The following SUPT20H variants were observed in gnomAD, a reference collection of about 807,000 sequenced individuals.
SUPT20H encodes the protein SPT20 homolog, SAGA complex component, also known as transcription factor SPT20 homolog.
In SUPT20H, 82 loss-of-function variants were observed where a neutral mutation model predicts 122.8. The observed-to-expected ratio is 0.67, with a 90% CI of 0.56 to 0.80. The LOEUF is 0.80. Ranked by LOEUF, SUPT20H falls within the 30% of genes least tolerant of loss-of-function variation. The probability of loss-of-function intolerance (pLI) is 0.00; values close to 1 mark genes in which losing one functional copy is unlikely to be tolerated. For synonymous variants in SUPT20H, 291 were observed against 313.0 expected, an observed-to-expected ratio of 0.93 and a Z score of 0.74; for missense variants, 831 against 921.6, an observed-to-expected ratio of 0.90 and a Z score of 1.27.
intron 6 of SUPT20H, among the ~76,000 whole-genome samples, chr13:37,044,921 C>T (rs915647036): frequency 2.0e-5 from 3 of 151,994 alleles, no homozygotes; most frequent in Non-Finnish European, 4.4e-5. Flanking sequence ...TTTTAATCAT[C>T]TGTAAGTTAT....
chr13:37,051,331 G>A (rs2067638012), intron 2 of SUPT20H, among the ~76,000 whole-genome samples, 157 bp downstream of exon 2: 1 of 152,152 alleles, frequency 6.6e-6, no homozygotes, highest in South Asian at 2.1e-4. Context: ...ACTTTATAGA[G>A]AAGACTTTGC....
chr13:37,054,310 A>G (rs1409271272), intron 1 of SUPT20H, among the ~76,000 whole-genome samples: 2 of 152,324 alleles, frequency 1.3e-5, no homozygotes, highest in Non-Finnish European at 2.9e-5. Context: ...GCAGAGACAC[A>G]ACAAAAAAAG....
At chr13:37,041,413 G>C (rs2138659372) in intron 7 of SUPT20H, among the ~76,000 whole-genome samples, 1 of 151,938 alleles carries the variant, frequency 6.6e-6, no homozygotes, top group East Asian at 1.9e-4. Context: ...AGCTACTCAG[G>C]AGGCTGAGGC....
chr13:37,011,039 A>G (rs1566093432), intron 24 of SUPT20H, among the ~76,000 whole-genome samples: 1 of 152,208 alleles, frequency 6.6e-6, no homozygotes, highest in Non-Finnish European at 1.5e-5. Context: ...CAAAGCTGGT[A>G]GACAGACAAT....
chr13:37,055,886 T>A (rs2068862169), intron 1 of SUPT20H, among the ~76,000 whole-genome samples: 1 of 152,096 alleles, frequency 6.6e-6, no homozygotes. Context: ...AGGGCTAATA[T>A]CCAGAATCTA....
chr13:37,012,121 T>C (rs1441100179), intron 24 of SUPT20H, 71 bp downstream of exon 24: 14 of 1,216,176 alleles, frequency 1.2e-5, no homozygotes, highest in East Asian at 2.4e-5. Context: ...GAAAATAATT[T>C]AAGCGGTGAG....
intron 7 of SUPT20H, among the ~76,000 whole-genome samples, chr13:37,042,071 T>C (rs559224675): frequency 4.6e-5 from 7 of 152,322 alleles, no homozygotes; most frequent in East Asian, 1.9e-4. Flanking sequence ...ATGGATGGAA[T>C]GCAGCGAGTG....
chr13:37,058,226 T>C (rs763593722), intron 1 of SUPT20H, among the ~76,000 whole-genome samples: 6 of 151,662 alleles, frequency 4.0e-5, no homozygotes, highest in South Asian at 2.1e-4. Context: ...GATCGCCCCA[T>C]TGCACTCCAG....
intron 1 of SUPT20H, among the ~76,000 whole-genome samples, chr13:37,054,905 C>G (rs1313099650): frequency 6.6e-6 from 1 of 152,208 alleles, no homozygotes; most frequent in Non-Finnish European, 1.5e-5. Flanking sequence ...AGCTGATAGG[C>G]AACTTCAGCA....
chr13:37,023,902 T>C, intron 19 of SUPT20H, 133 bp downstream of exon 19: 1 of 823,082 alleles, frequency 1.2e-6, no homozygotes, highest in Non-Finnish European at 1.8e-6. Context: ...GCCTGAAGCT[T>C]CTAGCAACTT....
intron 6 of SUPT20H, 97 bp from the exon 7 acceptor site, chr13:37,044,278 C>T: frequency 1.2e-6 from 1 of 866,634 alleles, no homozygotes; most frequent in Non-Finnish European, 1.7e-6. Context: ...ATAATAAAAC[C>T]AAAAGGCATT....
chr13:37,042,735 G>T (rs1310195484), intron 7 of SUPT20H, among the ~76,000 whole-genome samples: 1 of 152,176 alleles, frequency 6.6e-6, no homozygotes, highest in Non-Finnish European at 1.5e-5. Context: ...ATAGGTGGTG[G>T]AAAGAATGGG....
In SUPT20H at chr13:37,031,856, C is replaced by G. The variant is rs1199710665; in HGVS notation, c.747G>C (p.Gln249His). 5.6e-6 allele frequency: 9 copies of G among 1,603,896 alleles called. No individual in the cohort carries two copies. The highest frequency in any genetic ancestry group is 7.6e-6 in the Non-Finnish European group (9 of 1,177,028). ...KRYSRSSLNRQQDLSHCPPPP... is the reference protein window; with the variant it reads ...KRYSRSSLNRHQDLSHCPPPP... ...GAGGTGGACAATGAGATAGATCTTGCTGCCGATTCAGAGAGGATCTGGAAT... is the reference window on the plus strand; with the variant it reads ...GAGGTGGACAATGAGATAGATCTTGGTGCCGATTCAGAGAGGATCTGGAAT... The change falls in exon 11 of 26, where the codon CAG becomes CAC. Residue 249 changes from glutamine to histidine, a missense_variant. By Grantham distance (24) the Gln-to-His change is conservative. Transcript: ENST00000350612.
intron 21 of SUPT20H, among the ~76,000 whole-genome samples, chr13:37,020,872 TAAATA>T (rs2061373053): frequency 6.6e-6 from 1 of 152,232 alleles, no homozygotes; most frequent in Admixed American, 6.5e-5. Context: ...TAACTACTCC[TAAATA>T]AAAGAATGCT....
intron 6 of SUPT20H, 145 bp from the exon 7 acceptor site, chr13:37,044,326 A>C (rs1003710974): frequency 5.3e-5 from 30 of 569,196 alleles, no homozygotes; most frequent in Non-Finnish European, 8.3e-5. Context: ...AAAATAAAAA[A>C]CAAAACCAAA....
chr13:37,012,473 T>C, intron 23 of SUPT20H, 176 bp from the exon 24 acceptor site: 1 of 472,112 alleles, frequency 2.1e-6, no homozygotes, highest in Non-Finnish European at 3.8e-6. Flanking sequence ...AAATTTATGG[T>C]ATTTGAACAA....
chr13:37,010,488 T>C, intron 25 of SUPT20H, 64 bp downstream of exon 25: 4 of 1,418,492 alleles, frequency 2.8e-6, no homozygotes, highest in Non-Finnish European at 4.0e-6. Flanking sequence ...AAGCAAGTTA[T>C]TTTGAGGTAC....
intron 13 of SUPT20H, among the ~76,000 whole-genome samples, 180 bp from the exon 14 acceptor site, chr13:37,028,485 C>T (rs1014147250): frequency 6.6e-6 from 1 of 152,004 alleles, no homozygotes; most frequent in Non-Finnish European, 1.5e-5. Context: ...CGGTTCTTTT[C>T]CTAAAAACTA....
At chr13:37,034,213 T>G (rs750732874) in intron 9 of SUPT20H, among the ~76,000 whole-genome samples, 1 of 152,150 alleles carries the variant, frequency 6.6e-6, no homozygotes, top group Non-Finnish European at 1.5e-5. Context: ...CTAGAAATGA[T>G]TAAGCTTAGT....
Sources: allele counts gnomAD v4.1 joint callset (sites outside exome capture counted in the v4.1 genomes callset), GRCh38; gene constraint gnomAD v4.1.1; transcripts MANE v1.5; gene names NCBI Gene and HGNC (gene_info 2026-07-23, HGNC 2026-07-21).